ATP8B1: variants seen among roughly 807,000 people sequenced by gnomAD.
ATP8B1 encodes phospholipid-transporting ATPase IC.
ATP8B1 carries 80 observed loss-of-function variants against 149.9 expected under a neutral mutation model. The observed-to-expected ratio is 0.53, with a 90% CI of 0.45 to 0.64. The LOEUF (loss-of-function observed/expected upper bound fraction) is 0.64. Ranked by LOEUF, ATP8B1 falls within the 30% of genes least tolerant of loss-of-function variation. The pLI is 0.00. For synonymous variants in ATP8B1, 536 were observed against 562.8 expected (o/e 0.95, Z 0.67); for missense variants, 1,247 against 1,552.6 (o/e 0.80, Z 3.31).
chr18:57,779,287 C>T (rs2080337307), intron 1 of ATP8B1, among the ~76,000 whole-genome samples: 1 of 151,702 alleles, frequency 6.6e-6, no homozygotes, highest in Admixed American at 6.6e-5. Flanking sequence ...TGCACTCCAG[C>T]CTGGGCGACA....
chr18:57,682,007 A>T (rs933753992), intron 15 of ATP8B1, among the ~76,000 whole-genome samples: 2 of 144,102 alleles, frequency 1.4e-5, no homozygotes, highest in African/African-American at 2.6e-5. Flanking sequence ...ACTTTGTGTT[A>T]TTTTTTTTTT....
chr18:57,732,343 A>G (rs71365355), intron 1 of ATP8B1, among the ~76,000 whole-genome samples: 117 of 1,594 alleles, frequency 0.073, 6 homozygotes, highest in East Asian at 0.5. Flanking sequence ...GTGTATATAT[A>G]TGTATATATG....
chr18:57,765,350 C>T (rs528277355), intron 1 of ATP8B1, among the ~76,000 whole-genome samples: 2 of 152,256 alleles, frequency 1.3e-5, no homozygotes, highest in South Asian at 4.1e-4. Flanking sequence ...CATGTGAATG[C>T]CCTTAAAGAC....
At chr18:57,731,591 A>T in intron 2 of ATP8B1, 36 bp downstream of exon 2, 1 of 1,610,058 alleles carries the variant, frequency 6.2e-7, no homozygotes, top group Non-Finnish European at 8.5e-7. Flanking sequence ...ATGAGGATTT[A>T]TAAGCGACCT....
At chr18:57,750,766 C>G (rs1828772418) in intron 1 of ATP8B1, among the ~76,000 whole-genome samples, 1 of 152,222 alleles carries the variant, frequency 6.6e-6, no homozygotes, top group African/African-American at 2.4e-5. Context: ...AACAATGTTG[C>G]ACTAACCATG....
chr18:57,727,793 AAAAC>A (rs539237456), intron 2 of ATP8B1, among the ~76,000 whole-genome samples: 75 of 152,288 alleles, frequency 4.9e-4, no homozygotes, highest in African/African-American at 1.5e-3. Flanking sequence ...TCTCAAAACA[AAAAC>A]AAACAAACAA....
chr18:57,703,873 TG>T (rs954263735), intron 4 of ATP8B1, among the ~76,000 whole-genome samples: 1 of 152,114 alleles, frequency 6.6e-6, no homozygotes, highest in African/African-American at 2.4e-5. Context: ...ATGATCTTTT[TG>T]GGGGGGAAAT....
chr18:57,786,747 C>T (rs1389531272), intron 1 of ATP8B1, among the ~76,000 whole-genome samples: 1 of 152,224 alleles, frequency 6.6e-6, no homozygotes, highest in Non-Finnish European at 1.5e-5. Context: ...TCCCAAAGTG[C>T]TGGGATTACA....
chr18:57,731,397 A>C (rs2079764278), intron 2 of ATP8B1: 13 of 405,274 alleles, frequency 3.2e-5, no homozygotes, highest in East Asian at 5.0e-5. Flanking sequence ...AAAGACCTTA[A>C]TGTATTTTCT....
intron 1 of ATP8B1, among the ~76,000 whole-genome samples, chr18:57,742,941 GC>G (rs535709699): frequency 1.2e-3 from 177 of 152,248 alleles, no homozygotes; most frequent in Non-Finnish European, 1.9e-3. Context: ...GAGATGAGCA[GC>G]TTTTTCATTC....
At chr18:57,661,696 CATATAT>C (rs1555688767) in intron 21 of ATP8B1, among the ~76,000 whole-genome samples, 1 of 90,400 alleles carries the variant, frequency 1.1e-5, no homozygotes, top group African/African-American at 4.1e-5. Context: ...CACACACACA[CATATAT>C]ATATATATAT....
chr18:57,751,378 G>C (rs1020923232), intron 1 of ATP8B1, among the ~76,000 whole-genome samples: 2 of 151,162 alleles, frequency 1.3e-5, no homozygotes, highest in African/African-American at 4.9e-5. Flanking sequence ...TGTAGTCCCA[G>C]TTACTTGGGC....
chr18:57,715,398 AAG>A (rs1225942499), intron 2 of ATP8B1, among the ~76,000 whole-genome samples: 28 of 152,332 alleles, frequency 1.8e-4, no homozygotes, highest in African/African-American at 6.3e-4. Flanking sequence ...AAGCAAATCT[AAG>A]AGTTATTGGC....
Position 57,653,981 on chromosome 18 carries a change from G to A in ATP8B1, c.3015+11C>T, listed in dbSNP as rs756775548. 6.8e-6 allele frequency: 11 copies of A among 1,608,998 alleles called. No individual in the cohort carries two copies. The highest frequency in any genetic ancestry group is 4.5e-5 in the East Asian group (2 of 44,854). Reference sequence around the variant, plus strand: ...TGTCCAGAAGTGTCCCTGCTTGTGCGAGGCTCCTACCTGGTCGAGCAGCCC... The same window carrying A: ...TGTCCAGAAGTGTCCCTGCTTGTGCAAGGCTCCTACCTGGTCGAGCAGCCC... On this transcript the variant is annotated intron_variant, in intron 24 of 27. Coordinates refer to ENST00000648908, the MANE Select transcript of ATP8B1 (RefSeq NM_001374385.1).
At chr18:57,708,253 TG>T (rs1485969822) in intron 2 of ATP8B1, among the ~76,000 whole-genome samples, 1 of 152,118 alleles carries the variant, frequency 6.6e-6, no homozygotes, top group Non-Finnish European at 1.5e-5. Flanking sequence ...ATATCACTAT[TG>T]AACATTTTTC....
intron 1 of ATP8B1, among the ~76,000 whole-genome samples, chr18:57,747,035 G>T (rs924590242): frequency 1.3e-5 from 2 of 152,170 alleles, no homozygotes; most frequent in African/African-American, 4.8e-5. Context: ...TGTAGTCTGG[G>T]TCCACCATTT....
At chr18:57,790,618 C>T (rs1213768223) in intron 1 of ATP8B1, among the ~76,000 whole-genome samples, 6 of 152,140 alleles carry the variant, frequency 3.9e-5, no homozygotes, top group Admixed American at 1.3e-4. Flanking sequence ...TCCTCTAGGT[C>T]TCAACTTAAG....
chr18:57,682,812 A>G (rs985609701), intron 15 of ATP8B1, among the ~76,000 whole-genome samples: 2 of 152,138 alleles, frequency 1.3e-5, no homozygotes, highest in South Asian at 2.1e-4. Context: ...GCTGAAAGGT[A>G]TCATGTACAG....
intron 3 of ATP8B1, 59 bp downstream of exon 3, chr18:57,706,431 G>A: frequency 7.1e-7 from 1 of 1,404,690 alleles, no homozygotes; most frequent in Non-Finnish European, 1.0e-6. Flanking sequence ...TAGTAAGCAT[G>A]CCAGCTACTG....
Sources: allele counts gnomAD v4.1 joint callset (sites outside exome capture counted in the v4.1 genomes callset), GRCh38; gene constraint gnomAD v4.1.1; transcripts MANE v1.5; gene names NCBI Gene and HGNC (gene_info 2026-07-23, HGNC 2026-07-21).